Variants in MED27 observed in about 807,000 individuals in gnomAD.
The protein encoded by MED27 is mediator complex subunit 27, also known as mediator of RNA polymerase II transcription subunit 27.
In MED27, 30 loss-of-function variants were observed where a neutral mutation model predicts 38.2. The observed-to-expected ratio is 0.79, with a 90% CI of 0.59 to 1.07. MED27 has a LOEUF of 1.07. MED27 is among the 50% of genes least tolerant of loss of function. The pLI, the probability that MED27 is intolerant of heterozygous loss-of-function variation, is 0.00. For missense variants in MED27, 289 were observed against 397.5 expected, an observed-to-expected ratio of 0.73 and a Z score of 2.32; for synonymous variants, 122 against 153.5, an observed-to-expected ratio of 0.79 and a Z score of 1.52.
intron 4 of MED27, among the ~76,000 whole-genome samples, chr9:131,932,690 A>G (rs1564288262): frequency 6.6e-6 from 1 of 152,158 alleles, no homozygotes; most frequent in Non-Finnish European, 1.5e-5. Flanking sequence ...CCAAACATTT[A>G]AAGAAGAATT....
rs569304337 is a variant in MED27 at position 132,005,664 on chromosome 9, C to T, written c.479+8673G>A. Among the ~76,000 whole-genome samples the T allele has an allele frequency of 1.6e-4, 24 of 152,290 alleles. No homozygotes were observed. The South Asian group carries it at 5.0e-3, about 32-fold the overall frequency. On this transcript the variant is annotated intron_variant, in intron 3 of 7. Coordinates refer to ENST00000292035, the MANE Select transcript of MED27 (RefSeq NM_004269.4). ...AACTGAATAATTTTCCATCTAAGAT[C>T]CCAATACGGGTAACCCTTGCTGTCT... is the stretch of plus-strand genomic sequence containing the variant.
chr9:132,056,541 T>C (rs999324981), intron 2 of MED27, among the ~76,000 whole-genome samples: 6 of 152,198 alleles, frequency 3.9e-5, no homozygotes, highest in African/African-American at 1.2e-4. Context: ...CTTTGGAACA[T>C]TTTGGATTTC....
At chr9:132,015,618 C>T (rs964978324) in intron 2 of MED27, among the ~76,000 whole-genome samples, 6 of 152,190 alleles carry the variant, frequency 3.9e-5, no homozygotes, top group African/African-American at 7.2e-5. Flanking sequence ...TGTGCCCTAA[C>T]GCAGTCAATC....
intron 3 of MED27, among the ~76,000 whole-genome samples, chr9:131,968,408 A>T (rs184608555): frequency 1.4e-5 from 2 of 145,722 alleles, no homozygotes; most frequent in Admixed American, 1.4e-4. Flanking sequence ...CAGGAGGTTG[A>T]GGCTGCAGTG....
chr9:131,904,203 T>C (rs565001354), intron 4 of MED27, among the ~76,000 whole-genome samples: 1 of 151,640 alleles, frequency 6.6e-6, no homozygotes, highest in Admixed American at 6.6e-5. Flanking sequence ...CCAGCCCAGC[T>C]ATTTTTTGTA....
chr9:132,072,056 T>C (rs1011172235), intron 2 of MED27, among the ~76,000 whole-genome samples: 1 of 151,386 alleles, frequency 6.6e-6, no homozygotes, highest in African/African-American at 2.4e-5. Context: ...ACACAGGCAC[T>C]TGCGTAACAC....
intron 4 of MED27, among the ~76,000 whole-genome samples, chr9:131,929,811 G>T (rs781401146): frequency 6.6e-6 from 1 of 152,220 alleles, no homozygotes; most frequent in South Asian, 2.1e-4. Context: ...GGACCTAGGG[G>T]AACTTGCTAC....
intron 3 of MED27, among the ~76,000 whole-genome samples, chr9:131,995,212 G>A (rs1435537898): frequency 1.3e-5 from 2 of 152,036 alleles, no homozygotes; most frequent in Non-Finnish European, 2.9e-5. Context: ...GGGTGGAAAA[G>A]CTTTGTGTCA....
chr9:131,860,669 A>C lies in MED27; in HGVS notation c.805T>G (p.Trp269Gly), dbSNP rs771474602. 1.9e-6 allele frequency: 3 copies of C among 1,612,964 alleles called. No homozygotes were observed. In the African/African-American group the frequency reaches 4.0e-5, roughly 22 times the overall value. ...PDVVVRSFMT[W>G]LRSYIKLFQA... ...AACAGCTTTATGTAACTTCTTAACC[A>C]GGTCTAAAAAGAGAAACGAGGAGAG... The change falls in exon 8 of 8, where the codon TGG becomes GGG. Residue 269 changes from tryptophan to glycine, a missense_variant. Trp to Gly is a radical substitution (Grantham distance 184). Coordinates refer to ENST00000292035, the MANE Select transcript of MED27 (RefSeq NM_004269.4). This position sits in a 1 kb window ranked among gnomAD's most constrained non-coding sequence, Gnocchi z 5.8.
intron 3 of MED27, among the ~76,000 whole-genome samples, chr9:131,964,327 A>AGGTGATGGTGGTGGTGGTGCT (rs1564302496): frequency 2.5e-5 from 3 of 121,344 alleles, no homozygotes; most frequent in Non-Finnish European, 5.3e-5. Context: ...CTGGTGGTGG[A>AGGTGATGGTGGTGGTGGTGCT]GGTGATGGTG....
intron 2 of MED27, among the ~76,000 whole-genome samples, chr9:132,045,528 G>A (rs975228030): frequency 6.6e-6 from 1 of 151,944 alleles, no homozygotes; most frequent in Non-Finnish European, 1.5e-5. Flanking sequence ...GGTTATATTT[G>A]AGTGGTAAAG....
intron 4 of MED27, among the ~76,000 whole-genome samples, chr9:131,895,902 TTG>T (rs1318765627): frequency 6.8e-6 from 1 of 146,434 alleles, no homozygotes; most frequent in Admixed American, 7.0e-5. Context: ...TGAGTTATAG[TTG>T]TTTTTTTTTT....
intron 4 of MED27, among the ~76,000 whole-genome samples, chr9:131,907,073 C>T (rs1219647004): frequency 2.0e-5 from 3 of 152,134 alleles, no homozygotes; most frequent in Non-Finnish European, 2.9e-5. Context: ...ACTTTTGCTG[C>T]CATCTTGGTT....
At chr9:132,071,759 T>C (rs1372248369) in intron 2 of MED27, among the ~76,000 whole-genome samples, 1 of 149,166 alleles carries the variant, frequency 6.7e-6, no homozygotes, top group East Asian at 2.0e-4. Flanking sequence ...CGAGCACACA[T>C]GCATACGAGT....
chr9:131,984,882 T>C (rs1394789431), intron 3 of MED27, among the ~76,000 whole-genome samples: 1 of 152,172 alleles, frequency 6.6e-6, no homozygotes, highest in African/African-American at 2.4e-5. Context: ...TTTGCAGCCA[T>C]TTATACCATA....
intron 2 of MED27, among the ~76,000 whole-genome samples, chr9:132,041,479 C>T (rs1833208896): frequency 6.6e-6 from 1 of 152,222 alleles, no homozygotes; most frequent in Non-Finnish European, 1.5e-5. Flanking sequence ...TAGGGGACTG[C>T]AGTTCTGCCA....
chr9:131,902,958 A>G (rs1829979591), intron 4 of MED27, among the ~76,000 whole-genome samples: 1 of 152,148 alleles, frequency 6.6e-6, no homozygotes, highest in East Asian at 1.9e-4. Context: ...GACCTTGAAC[A>G]AGTCACTTAC....
intron 2 of MED27, among the ~76,000 whole-genome samples, chr9:132,028,810 C>A (rs959810374): frequency 2.0e-5 from 3 of 152,178 alleles, no homozygotes; most frequent in Admixed American, 6.5e-5. Context: ...CAGGGGCCCA[C>A]CTCCAATCTG....
At chr9:131,885,031 A>G (rs1439804492) in intron 5 of MED27, among the ~76,000 whole-genome samples, 2 of 152,202 alleles carry the variant, frequency 1.3e-5, no homozygotes, top group Non-Finnish European at 2.9e-5. Flanking sequence ...TGAGGACAGG[A>G]GGCTTGCCTT....
Sources: allele counts gnomAD v4.1 joint callset (sites outside exome capture counted in the v4.1 genomes callset), GRCh38; gene constraint gnomAD v4.1.1; non-coding constraint Gnocchi (gnomAD v3.1); transcripts MANE v1.5; gene names NCBI Gene and HGNC (gene_info 2026-07-23, HGNC 2026-07-21).